Variants in PCDH15 observed in about 807,000 individuals in gnomAD.
PCDH15 encodes protocadherin related 15, also known as protocadherin-15.
A neutral mutation model predicts 178.5 loss-of-function variants in PCDH15; 129 were observed. That is an observed-to-expected ratio of 0.72 (90% CI 0.63 to 0.84). PCDH15 has a LOEUF of 0.84. Among genes scored for constraint, PCDH15 ranks in the 40% least tolerant of loss-of-function variants. The pLI is 0.00. For missense variants in PCDH15, 2,230 were observed against 2,099.9 expected, an observed-to-expected ratio of 1.06 and a Z score of -1.21; for synonymous variants, 800 against 732.0, an observed-to-expected ratio of 1.09 and a Z score of -1.50.
rs543056845 is a variant in PCDH15 at position 54,718,294 on chromosome 10, C to G, written c.-28-54004G>C. Among the ~76,000 whole-genome samples the G allele has an allele frequency of 2.6e-5, 4 of 152,118 alleles. No homozygotes were observed. The South Asian group carries it at 8.3e-4, about 32-fold the overall frequency. Reference sequence around the variant, plus strand: ...ATAATAAAAAGAAAATGAGCTGACACAAGTCAACAGACAAGTCAACAGCAG... The same window carrying G: ...ATAATAAAAAGAAAATGAGCTGACAGAAGTCAACAGACAAGTCAACAGCAG... On this transcript the variant is annotated intron_variant, in intron 1 of 37. Transcript: ENST00000644397.
At chr10:55,531,224 A>G (rs898388867) in intron 2 of PCDH15, among the ~76,000 whole-genome samples, 5 of 151,994 alleles carry the variant, frequency 3.3e-5, no homozygotes, top group African/African-American at 1.2e-4. Flanking sequence ...TTTGGTTTTT[A>G]TCTTCCTCAT....
intron 2 of PCDH15, among the ~76,000 whole-genome samples, chr10:55,458,349 A>T (rs1839599037): frequency 6.6e-6 from 1 of 152,028 alleles, no homozygotes; most frequent in Admixed American, 6.6e-5. Context: ...TGTAATAATG[A>T]TACAGTGAAA....
intron 3 of PCDH15, among the ~76,000 whole-genome samples, chr10:54,467,259 T>G (rs1467678020): frequency 2.0e-5 from 3 of 151,946 alleles, no homozygotes; most frequent in Non-Finnish European, 4.4e-5. Context: ...GGCTTTCCAC[T>G]TTTTCCCTTT....
At chr10:53,969,508 C>T (rs111913876) in intron 21 of PCDH15, among the ~76,000 whole-genome samples, 65 of 152,172 alleles carry the variant, frequency 4.3e-4, no homozygotes, top group East Asian at 3.7e-3. Flanking sequence ...ATACAGAGAA[C>T]GCCACAAAGA....
intron 14 of PCDH15, 46 bp downstream of exon 14, chr10:54,153,054 T>C: frequency 6.2e-7 from 1 of 1,603,534 alleles, no homozygotes. Context: ...ATTACAGGGT[T>C]AAACGGGCCC....
chr10:55,313,805 C>G (rs745959534), intron 1 of PCDH15, among the ~76,000 whole-genome samples: 1 of 151,978 alleles, frequency 6.6e-6, no homozygotes, highest in Non-Finnish European at 1.5e-5. Context: ...CATTGCTGGA[C>G]CAATTATGTT....
At position 54,017,865 on chromosome 10, in the gene PCDH15, C is replaced by T. The variant is rs140277303; in HGVS notation, c.2751+2327G>A. ...GGAATACTTCCGTGTTTCACTGTGA[C>T]TGAAGAATTATCTTAAAAAAATAAA... is the stretch of plus-strand genomic sequence containing the variant. On this transcript the variant is annotated intron_variant, in intron 20 of 37. Transcript: ENST00000644397. 6.8e-3 allele frequency among the ~76,000 whole-genome samples: 1,028 copies of T among 152,036 alleles called. 13 individuals carry two copies. Among genetic ancestry groups the T allele is most frequent in the African/African-American group, 0.023 (957 of 41,458 alleles).
chr10:55,300,814 A>G (rs1200276120), intron 1 of PCDH15, among the ~76,000 whole-genome samples: 1 of 152,206 alleles, frequency 6.6e-6, no homozygotes, highest in African/African-American at 2.4e-5. Flanking sequence ...ATGCAGACAG[A>G]TCTTATCTGC....
intron 20 of PCDH15, among the ~76,000 whole-genome samples, chr10:54,014,386 G>A (rs2092680330): frequency 6.6e-6 from 1 of 152,060 alleles, no homozygotes; most frequent in South Asian, 2.1e-4. Flanking sequence ...AAAAAATTGA[G>A]GAGGAGGCAT....
At chr10:55,477,146 C>A (rs1299780662) in intron 2 of PCDH15, among the ~76,000 whole-genome samples, 1 of 151,936 alleles carries the variant, frequency 6.6e-6, no homozygotes, top group Non-Finnish European at 1.5e-5. Context: ...TCCTCCCCAA[C>A]AGATACTAAA....
chr10:54,779,854 C>T lies in PCDH15; in HGVS notation c.-29+21071G>A, dbSNP rs146741912. On this transcript the variant is annotated intron_variant, in intron 1 of 37. Transcript: ENST00000644397. ...AGCATTTTTATAAACTAGTCTCATT[C>T]TCAAACCTTCTCAACATTTGTGTGG... 4.6e-5 allele frequency among the ~76,000 whole-genome samples: 7 copies of T among 152,124 alleles called. No homozygotes were observed. The East Asian group carries it at 1.4e-3, about 30-fold the overall frequency.
At position 54,848,196 on chromosome 10, in the gene PCDH15, T is replaced by C. The variant is rs536630171; in HGVS notation, c.-29+49254A>G. On this transcript the variant is annotated intron_variant, in intron 3 of 5. Transcript: ENST00000458638. ...GAGTTTGAGACCAGCCTGGCCAACA[T>C]GGTGAAACTTCATCTCTATCTACCA... 2.4e-4 allele frequency among the ~76,000 whole-genome samples: 36 copies of C among 152,106 alleles called. No homozygotes were observed. In the South Asian group the frequency reaches 2.7e-3, roughly 11 times the overall value.
chr10:55,309,786 G>C (rs904054269), intron 1 of PCDH15, among the ~76,000 whole-genome samples: 1 of 152,102 alleles, frequency 6.6e-6, no homozygotes, highest in Non-Finnish European at 1.5e-5. Context: ...TTTAAAAAGA[G>C]TTACATTCCA....
chr10:55,431,990 T>C (rs1838891214), intron 2 of PCDH15, among the ~76,000 whole-genome samples: 1 of 152,002 alleles, frequency 6.6e-6, no homozygotes, highest in Non-Finnish European at 1.5e-5. Context: ...ACTGTAAACA[T>C]TTTCATGCAC....
At chr10:55,027,021 G>A (rs568419222) in intron 2 of PCDH15, among the ~76,000 whole-genome samples, 1 of 151,910 alleles carries the variant, frequency 6.6e-6, no homozygotes, top group Admixed American at 6.6e-5. Context: ...TGCATTTGGA[G>A]CATAAGAGAA....
intron 2 of PCDH15, among the ~76,000 whole-genome samples, chr10:55,557,505 T>C (rs377239351): frequency 1.0e-3 from 156 of 152,220 alleles, no homozygotes; most frequent in African/African-American, 3.5e-3. Context: ...CATGCAGAAG[T>C]AGAATCAGAG....
chr10:53,821,760 G>A lies in PCDH15; in HGVS notation c.4368-1530C>T, dbSNP rs563247328. On this transcript the variant is annotated intron_variant, in intron 32 of 37. Transcript: ENST00000644397. The stretch of plus-strand genomic sequence containing the variant: ...AAAACTGCATTTCATTGAATTTGGG[G>A]TAAAATAATAGAGTCTTCTTTGACG... 472 of 1,560,990 alleles carry A rather than the reference G, an allele frequency of 3.0e-4. 3 individuals are homozygous for A. In the African/African-American group the frequency reaches 5.8e-3, roughly 19 times the overall value.
chr10:55,076,180 T>C (rs1256192649), intron 2 of PCDH15, among the ~76,000 whole-genome samples: 1 of 152,194 alleles, frequency 6.6e-6, no homozygotes, highest in Non-Finnish European at 1.5e-5. Context: ...CTGTTCCATG[T>C]GCTAGTAAGA....
intron 20 of PCDH15, among the ~76,000 whole-genome samples, chr10:54,014,906 T>C (rs2610869): frequency 0.76 from 115,205 of 151,952 alleles, 43,902 homozygotes; most frequent in Middle Eastern, 0.86. Context: ...AAGTCCTGGC[T>C]AGAGCAATAA....
Sources: allele counts gnomAD v4.1 joint callset (sites outside exome capture counted in the v4.1 genomes callset), GRCh38; gene constraint gnomAD v4.1.1; transcripts MANE v1.5; gene names NCBI Gene and HGNC (gene_info 2026-07-23, HGNC 2026-07-21).